NPFFR1: variants seen among roughly 807,000 people sequenced by gnomAD.
NPFFR1 encodes G-protein coupled receptor 147.
Under a neutral mutation model 12.7 loss-of-function variants are expected in NPFFR1, and 17 were observed. The ratio of observed to expected loss-of-function variants is 1.34; its 90% confidence interval spans 0.92 to 2.01. The LOEUF is 2.01. Among genes scored for constraint, NPFFR1 ranks in the 30% most tolerant of loss-of-function variants. The pLI, the probability that NPFFR1 is intolerant of heterozygous loss-of-function variation, is 0.00. For missense variants in NPFFR1, 604 were observed against 606.5 expected, an observed-to-expected ratio of 1.00 and a Z score of 0.04; for synonymous variants, 296 against 264.5, an observed-to-expected ratio of 1.12 and a Z score of -1.16.
chr10:70,254,669 AGAAG>A lies in NPFFR1; in HGVS notation c.*284_*287del. Reference sequence around the variant, plus strand: ...TCCAGGCCTCAGTTTTTGCATCTGTAGAAGGAAGAGAAGACAACCTATCTCCAAA... The same window carrying A: ...TCCAGGCCTCAGTTTTTGCATCTGTAGAAGAGAAGACAACCTATCTCCAAA... On this transcript the variant is annotated 3_prime_UTR_variant, in exon 4 of 4. Transcript: ENST00000277942. The A allele has an allele frequency of 2.8e-6, 1 of 351,230 alleles. No homozygotes were observed. 21.8% of individuals were successfully genotyped at this position (351,230 alleles called of 1,614,324 possible).
chr10:70,272,436 G>A (rs1840760355), intron 1 of NPFFR1, among the ~76,000 whole-genome samples: 1 of 152,182 alleles, frequency 6.6e-6, no homozygotes, highest in Admixed American at 6.5e-5. Context: ...GTGAACCCAG[G>A]CCTGGATGCA....
chr10:70,254,951 A>G lies in NPFFR1; in HGVS notation c.*6T>C, dbSNP rs1589908143. On this transcript the variant is annotated 3_prime_UTR_variant, in exon 4 of 4. Coordinates refer to ENST00000277942, the MANE Select transcript of NPFFR1 (RefSeq NM_022146.5). ...TGAGGCAGCGTCCCGCCCTCCCTGG[A>G]CCCCCTCAGATATCCCAGGCTGGAA... is the stretch of plus-strand genomic sequence containing the variant. 7.2e-7 allele frequency: 1 copy of G among 1,397,374 alleles called. No homozygotes were observed. The allele number at this position is 1,397,374 out of a possible 1,614,324, so 86.6% of individuals were successfully genotyped here. A position where few individuals can be genotyped will look rare whatever the true frequency, so the allele number is the denominator to read the frequency against.
chr10:70,270,398 A>T (rs1419855329), intron 1 of NPFFR1, among the ~76,000 whole-genome samples: 1 of 152,156 alleles, frequency 6.6e-6, no homozygotes, highest in Non-Finnish European at 1.5e-5. Context: ...TTAGCTCTGA[A>T]TCATCTCCCA....
intron 2 of NPFFR1, among the ~76,000 whole-genome samples, chr10:70,261,905 T>C (rs1397542489): frequency 1.3e-5 from 2 of 152,178 alleles, no homozygotes; most frequent in African/African-American, 4.8e-5. Flanking sequence ...CTCAGCCTCC[T>C]GAGCAGCTGG....
intron 1 of NPFFR1, among the ~76,000 whole-genome samples, chr10:70,273,026 G>T (rs1192959794): frequency 2.0e-5 from 3 of 152,176 alleles, no homozygotes; most frequent in East Asian, 3.8e-4. Flanking sequence ...TTTATTTTCG[G>T]TTTTTCTAGC....
In NPFFR1 at chr10:70,255,631, A is replaced by G. The variant is rs990713463; in HGVS notation, c.619T>C (p.Trp207Arg). The G allele has an allele frequency of 5.7e-6, 9 of 1,582,784 alleles. No homozygotes were observed. In the African/African-American group the frequency reaches 1.1e-4, roughly 19 times the overall value. ...SYPLYSCWEAWPEKGMRRVYT... is the reference protein window; with the variant it reads ...SYPLYSCWEARPEKGMRRVYT... The stretch of plus-strand genomic sequence containing the variant: ...ACCCTGCGCATGCCCTTCTCGGGCC[A>G]GGCCTCCCAGCAGGAGTAGAGCGGG... The change falls in exon 4 of 4, where the codon TGG becomes CGG. Residue 207 changes from tryptophan (W) to arginine (R), a missense_variant. Transcript: ENST00000277942. The surrounding 1 kb of genome is among the most constrained non-coding windows in gnomAD (Gnocchi z 4.2).
chr10:70,270,659 C>A (rs1242979626), intron 1 of NPFFR1, among the ~76,000 whole-genome samples: 1 of 152,204 alleles, frequency 6.6e-6, no homozygotes, highest in Non-Finnish European at 1.5e-5. Context: ...AGGAAAAACT[C>A]CTTCCCATTC....
rs1840558644 is a variant in NPFFR1, at chr10:70,255,550, C to T, written c.700G>A (p.Val234Ile). Reference sequence around the variant, plus strand: ...TTGCGCGCGATGCGGGCGTACATGACCACGATGAGCGCCAGCGGCGCCAGG... The same window carrying T: ...TTGCGCGCGATGCGGGCGTACATGATCACGATGAGCGCCAGCGGCGCCAGG... ...IYLAPLALIV[V>I]MYARIARKLC... The change falls in exon 4 of 4, where the codon GTC becomes ATC. Residue 234 changes from valine (V) to isoleucine (I), a missense_variant. Coordinates refer to ENST00000277942, the MANE Select transcript of NPFFR1 (RefSeq NM_022146.5). The surrounding 1 kb of genome is among the most constrained non-coding windows in gnomAD (Gnocchi z 4.2). 6.4e-7 allele frequency: 1 copy of T among 1,550,554 alleles called. No individual in the cohort carries two copies. The highest frequency in any genetic ancestry group is 8.7e-7 in the Non-Finnish European group (1 of 1,146,816).
rs768905718 is a variant in NPFFR1, at chr10:70,255,694, C to A, written c.556G>T (p.Glu186Ter). 12 of 1,605,706 alleles carry A rather than the reference C, an allele frequency of 7.5e-6. No individual in the cohort carries two copies. Among genetic ancestry groups the A allele is most frequent in the African/African-American group, 1.3e-5 (1 of 74,786 alleles). ...SAVTLTVTRE[E>*]HHFMVDARNR... ...CGGGCGTCCACCATGAAGTGGTGCT[C>A]CTCACGGGTGACGGTCAGCGTGACG... The change falls in exon 4 of 4, where the codon GAG becomes TAG. Residue 186 changes from glutamate to a stop codon, truncating the protein, a stop_gained. Coordinates refer to ENST00000277942, the MANE Select transcript of NPFFR1 (RefSeq NM_022146.5). LOFTEE classifies it low-confidence loss of function (END_TRUNC). This position sits in a 1 kb window ranked among gnomAD's most constrained non-coding sequence, Gnocchi z 4.2.
chr10:70,269,815 C>A (rs897960399), intron 1 of NPFFR1, among the ~76,000 whole-genome samples: 3 of 152,208 alleles, frequency 2.0e-5, no homozygotes, highest in African/African-American at 7.2e-5. Context: ...CTTACCAAGG[C>A]CTCCAAAACA....
At chr10:70,259,955 C>T (rs944264466) in intron 3 of NPFFR1, among the ~76,000 whole-genome samples, 1 of 152,164 alleles carries the variant, frequency 6.6e-6, no homozygotes, top group Non-Finnish European at 1.5e-5. Flanking sequence ...CCCACCTTTC[C>T]CTGGGGTGAA....
Position 70,257,901 on chromosome 10 carries a change from G to A in NPFFR1, c.423-2074C>T, listed in dbSNP as rs530481304. Among the ~76,000 whole-genome samples the A allele has an allele frequency of 3.2e-4, 49 of 152,274 alleles. 1 individual carries two copies. The highest frequency in any genetic ancestry group is 3.1e-3 in the East Asian group (16 of 5,186). On this transcript the variant is annotated intron_variant, in intron 3 of 3. Coordinates refer to ENST00000277942, the MANE Select transcript of NPFFR1 (RefSeq NM_022146.5). Reference sequence around the variant, plus strand: ...AAACATAAATCTGGCTTACGTGCACGTCCAGTCACAGTACCTTCCCTTGAA... The same window carrying A: ...AAACATAAATCTGGCTTACGTGCACATCCAGTCACAGTACCTTCCCTTGAA...
intron 1 of NPFFR1, among the ~76,000 whole-genome samples, chr10:70,279,060 A>G (rs1840833119): frequency 6.6e-6 from 1 of 152,246 alleles, no homozygotes; most frequent in Non-Finnish European, 1.5e-5. Flanking sequence ...AATTAAATCA[A>G]GCCAGTTAAC....
intron 3 of NPFFR1, among the ~76,000 whole-genome samples, chr10:70,258,767 G>T (rs1303754273): frequency 6.6e-6 from 1 of 152,186 alleles, no homozygotes; most frequent in Non-Finnish European, 1.5e-5. Flanking sequence ...GGGAAAGCTT[G>T]CCCAGTGGGG....
At chr10:70,283,647 C>T (rs1458476482) in intron 1 of NPFFR1, 23 bp downstream of exon 1, 1 of 1,532,324 alleles carries the variant, frequency 6.5e-7, no homozygotes, top group Non-Finnish European at 8.7e-7. Context: ...CCACGGCTGG[C>T]CCCCAGCCCC....
At chr10:70,261,325 T>C (rs894744894) in intron 2 of NPFFR1, among the ~76,000 whole-genome samples, 1 of 152,178 alleles carries the variant, frequency 6.6e-6, no homozygotes. Context: ...TCCACCATGA[T>C]TGTAAGTTTC....
intron 2 of NPFFR1, among the ~76,000 whole-genome samples, chr10:70,262,173 C>G (rs985682464): frequency 6.6e-6 from 1 of 152,060 alleles, no homozygotes; most frequent in African/African-American, 2.4e-5. Flanking sequence ...TTGTATGGTT[C>G]TGACTTTTTA....
In NPFFR1 at chr10:70,255,644, G is replaced by A. The variant is rs1840560988; in HGVS notation, c.606C>T (p.Ser202=). The A allele has an allele frequency of 4.4e-6, 7 of 1,591,348 alleles. No individual in the cohort carries two copies. The highest frequency in any genetic ancestry group is 6.0e-6 in the Non-Finnish European group (7 of 1,169,240). ...DARNRSYPLY[S]CWEAWPEKGM... ...CCTTCTCGGGCCAGGCCTCCCAGCAGGAGTAGAGCGGGTAGGAGCGGTTGC... is the reference window on the plus strand; with the variant it reads ...CCTTCTCGGGCCAGGCCTCCCAGCAAGAGTAGAGCGGGTAGGAGCGGTTGC... Residue 202 remains serine (S), a synonymous_variant, in exon 4 of 4, where the codon TCC becomes TCT. Transcript: ENST00000277942. This position sits in a 1 kb window ranked among gnomAD's most constrained non-coding sequence, Gnocchi z 4.2.
chr10:70,264,336 T>C (rs1840666256), intron 2 of NPFFR1, among the ~76,000 whole-genome samples: 1 of 118,242 alleles, frequency 8.5e-6, no homozygotes, highest in Non-Finnish European at 1.6e-5. Context: ...ATCCCAGCAC[T>C]GCATTCCAGC....
Sources: gnomAD v4.1 joint callset for allele counts (sites outside exome capture counted in the v4.1 genomes callset) on GRCh38, gnomAD v4.1.1 for gene constraint, Gnocchi (gnomAD v3.1) non-coding constraint, MANE v1.5 for transcripts, NCBI Gene and HGNC (gene_info 2026-07-23, HGNC 2026-07-21) for gene names.